Variants in ACAD11 observed in about 807,000 individuals in gnomAD.
ACAD11 encodes the protein acyl-Coenzyme A dehydrogenase family, member 11.
A neutral mutation model predicts 102.2 loss-of-function variants in ACAD11; 83 were observed. The ratio of observed to expected loss-of-function variants is 0.81; its 90% CI spans 0.68 to 0.97. ACAD11 has a LOEUF of 0.97. ACAD11 is among the 50% of genes least tolerant of loss of function. The probability of loss-of-function intolerance (pLI) is 0.00; values close to 1 mark genes in which losing one functional copy is unlikely to be tolerated. For missense variants in ACAD11, 901 were observed against 951.7 expected, an observed-to-expected ratio of 0.95 and a Z score of 0.70; for synonymous variants, 324 against 319.8, an observed-to-expected ratio of 1.01 and a Z score of -0.14.
At chr3:132,586,501 A>AG (rs1937834801) in intron 13 of ACAD11, among the ~76,000 whole-genome samples, 1 of 152,074 alleles carries the variant, frequency 6.6e-6, no homozygotes, top group African/African-American at 2.4e-5. Context: ...TAAAAAAAAA[A>AG]CCACATGCAT....
chr3:132,582,346 A>G (rs1937615171), intron 13 of ACAD11, among the ~76,000 whole-genome samples: 1 of 151,770 alleles, frequency 6.6e-6, no homozygotes, highest in South Asian at 2.1e-4. Context: ...TGTTAAAAAA[A>G]AAAAAGAGTT....
At chr3:132,571,557 C>T (rs1937383505) in intron 17 of ACAD11, among the ~76,000 whole-genome samples, 1 of 152,008 alleles carries the variant, frequency 6.6e-6, no homozygotes, top group Non-Finnish European at 1.5e-5. Flanking sequence ...TTGGCATCTT[C>T]ATCATGAAAT....
rs201695496 is a variant in ACAD11 at position 132,630,419 on chromosome 3, T to C, written c.963+18A>G. 5 of 1,607,678 alleles carry C rather than the reference T, an allele frequency of 3.1e-6. No individual in the cohort carries two copies. In the Admixed American group the frequency reaches 6.8e-5, roughly 22 times the overall value. ...CTGGTAAATAATGGCGAAACACACG[T>C]TTAAAACAATTAATTACCTGTGCTA... On this transcript the variant is annotated intron_variant, in intron 7 of 19. Transcript: ENST00000264990.
intron 13 of ACAD11, among the ~76,000 whole-genome samples, chr3:132,590,984 G>A (rs191064200): frequency 5.8e-4 from 88 of 152,258 alleles, no homozygotes; most frequent in African/African-American, 1.0e-3. Context: ...AGTTTCTTTT[G>A]CTATGCAGAA....
At chr3:132,653,591 C>G (rs939802162) in intron 1 of ACAD11, among the ~76,000 whole-genome samples, 6 of 152,176 alleles carry the variant, frequency 3.9e-5, no homozygotes, top group Middle Eastern at 3.4e-3. Context: ...GACCTCACTT[C>G]CCCCCTACTT....
chr3:132,627,033 T>C (rs1317091898), intron 8 of ACAD11: 1 of 421,910 alleles, frequency 2.4e-6, no homozygotes, highest in East Asian at 4.5e-5. Flanking sequence ...AAAGCACTAT[T>C]TGGGGAAAAC....
chr3:132,615,395 A>C (rs1291142587), intron 11 of ACAD11, among the ~76,000 whole-genome samples: 1 of 152,204 alleles, frequency 6.6e-6, no homozygotes, highest in Non-Finnish European at 1.5e-5. Context: ...TTGCAGCACT[A>C]TTCACAATAG....
intron 16 of ACAD11, among the ~76,000 whole-genome samples, chr3:132,576,393 G>A (rs747347361): frequency 6.6e-6 from 1 of 152,148 alleles, no homozygotes; most frequent in African/African-American, 2.4e-5. Flanking sequence ...CCTGGAAGAG[G>A]TGGTATTCTA....
At chr3:132,581,927 A>G (rs1937604512) in intron 13 of ACAD11, among the ~76,000 whole-genome samples, 2 of 152,054 alleles carry the variant, frequency 1.3e-5, no homozygotes, top group African/African-American at 2.4e-5. Flanking sequence ...GTAGTCAACT[A>G]CAGTTGTGGC....
intron 11 of ACAD11, among the ~76,000 whole-genome samples, chr3:132,606,732 C>A (rs191309461): frequency 6.6e-6 from 1 of 152,302 alleles, no homozygotes; most frequent in Non-Finnish European, 1.5e-5. Context: ...TCCTGCCTGC[C>A]GGCACTGAAG....
At position 132,639,584 on chromosome 3, in the gene ACAD11, A is replaced by G; in HGVS notation, c.610T>C (p.Trp204Arg). 1 of 1,613,724 alleles carries G rather than the reference A, an allele frequency of 6.2e-7. No individual in the cohort carries two copies. ...TTATCGGGCAAGTTCTTCATTAGCC[A>G]CTCCGATAGCTGTTGCATGGCAGGG... is the stretch of plus-strand genomic sequence containing the variant. The part of the protein sequence containing the change: ...DIPAMQQLSE[W>R]LMKNLPDNDN... Residue 204 changes from tryptophan (W) to arginine (R), a missense_variant, in exon 5 of 20, where the codon TGG (tryptophan) becomes CGG (arginine). Transcript: ENST00000264990.
At chr3:132,636,673 G>A (rs1029056219) in intron 5 of ACAD11, among the ~76,000 whole-genome samples, 1 of 152,172 alleles carries the variant, frequency 6.6e-6, no homozygotes, top group African/African-American at 2.4e-5. Context: ...TCTTTATAGT[G>A]TATGCAGGTC....
At chr3:132,575,138 C>T (rs978444860) in intron 17 of ACAD11, among the ~76,000 whole-genome samples, 1 of 152,068 alleles carries the variant, frequency 6.6e-6, no homozygotes, top group Admixed American at 6.6e-5. Context: ...TGAGCCACTG[C>T]GCCTGGCCAT....
rs1478097314 is a variant in ACAD11 at position 132,642,666 on chromosome 3, T to C, written c.375+11A>G. 2 of 1,590,344 alleles carry C rather than the reference T, an allele frequency of 1.3e-6. No homozygotes were observed. Among genetic ancestry groups the C allele is most frequent in the African/African-American group, 1.4e-5 (1 of 73,726 alleles). On this transcript the variant is annotated intron_variant, in intron 3 of 19. Transcript: ENST00000264990. The stretch of plus-strand genomic sequence containing the variant: ...GTAAAAGCAACAAAATAAGATTAAG[T>C]GTTAATTTACCTGCACATGTTCCAT...
rs547698115 is a variant in ACAD11, at chr3:132,614,292, T to C, written c.1414+4342A>G. Among the ~76,000 whole-genome samples the C allele has an allele frequency of 9.2e-5, 14 of 152,110 alleles. No homozygotes were observed. In the East Asian group the frequency reaches 1.3e-3, roughly 15 times the overall value. The stretch of plus-strand genomic sequence containing the variant: ...CAATGCCATCCCCATCAAGCTACCA[T>C]TGACTTTCTTCACAGAATTAGAAAA... On this transcript the variant is annotated intron_variant, in intron 11 of 19. Coordinates refer to ENST00000264990, the MANE Select transcript of ACAD11 (RefSeq NM_032169.5).
chr3:132,639,676 A>G lies in ACAD11; in HGVS notation c.538-20T>C, dbSNP rs1346344199. 6.3e-7 allele frequency: 1 copy of G among 1,592,158 alleles called. No individual in the cohort carries two copies. Among genetic ancestry groups the G allele is most frequent in the African/African-American group, 1.4e-5 (1 of 73,504 alleles). On this transcript the variant is annotated intron_variant, in intron 4 of 19. Transcript: ENST00000264990. Reference sequence around the variant, plus strand: ...TGATACCTAAAGACATATAAATAAGAAAAATGGTAAAGCTGAAACTGGAAT... The same window carrying G: ...TGATACCTAAAGACATATAAATAAGGAAAATGGTAAAGCTGAAACTGGAAT...
chr3:132,632,410 T>G (rs1358770371), intron 5 of ACAD11, among the ~76,000 whole-genome samples: 5 of 152,206 alleles, frequency 3.3e-5, no homozygotes, highest in African/African-American at 1.2e-4. Flanking sequence ...TATGTTCATT[T>G]GGCTGTACAT....
chr3:132,576,905 A>T (rs1937531712), intron 16 of ACAD11, 39 bp downstream of exon 16: 1 of 1,354,988 alleles, frequency 7.4e-7, no homozygotes, highest in African/African-American at 1.4e-5. Context: ...TGAAATATTA[A>T]TGTACAATAC....
intron 11 of ACAD11, among the ~76,000 whole-genome samples, chr3:132,614,337 A>G (rs1215077190): frequency 1.3e-5 from 2 of 152,234 alleles, no homozygotes; most frequent in African/African-American, 2.4e-5. Context: ...TAAATTTCAT[A>G]TGGAACCAGA....
Sources: allele counts gnomAD v4.1 joint callset (sites outside exome capture counted in the v4.1 genomes callset), GRCh38; gene constraint gnomAD v4.1.1; transcripts MANE v1.5; gene names NCBI Gene and HGNC (gene_info 2026-07-23, HGNC 2026-07-21).